Variants in SYNGR3 observed in about 807,000 individuals in gnomAD.
SYNGR3 encodes the protein synaptogyrin 3.
In SYNGR3, 10 loss-of-function variants were observed where a neutral mutation model predicts 18.5. That is an observed-to-expected ratio of 0.54 (90% CI 0.33 to 0.92). The LOEUF is 0.92. Among genes scored for constraint, SYNGR3 ranks in the 40% least tolerant of loss-of-function variants. The probability of loss-of-function intolerance (pLI) is 0.02; values close to 1 mark genes in which losing one functional copy is unlikely to be tolerated. For missense variants in SYNGR3, 335 were observed against 332.8 expected (o/e 1.01, Z -0.05); for synonymous variants, 188 against 157.2 (o/e 1.20, Z -1.47).
At position 1,992,971 on chromosome 16, in the gene SYNGR3, C is replaced by A; in HGVS notation, c.589C>A (p.Pro197Thr). The stretch of plus-strand genomic sequence containing the variant: ...GGCGAGCCAGGCCTACCCCGGCTAT[C>A]CGGTGGGCAGCGGCGTGGAGGGCAC... ...TGASQAYPGY[P>T]VGSGVEGTET... is the part of the protein sequence containing the mutation. The change falls in exon 4 of 4, where the codon CCG becomes ACG. Residue 197 changes from proline (P) to threonine (T), a missense_variant. Transcript: ENST00000248121. 1.9e-6 allele frequency: 3 copies of A among 1,612,014 alleles called. No homozygotes were observed.
chr16:1,990,481 T>C, intron 1 of SYNGR3: 2 of 533,384 alleles, frequency 3.7e-6, no homozygotes, highest in Non-Finnish European at 7.1e-6. Context: ...CGGGTCTAAT[T>C]TCAGTCCCTT....
At chr16:1,991,950 C>T in intron 1 of SYNGR3, 24 bp from the exon 2 acceptor site, 1 of 1,575,638 alleles carries the variant, frequency 6.3e-7, no homozygotes, top group Admixed American at 1.8e-5. Context: ...CGCCGCAGGG[C>T]CCTGAGCGCC....
Position 1,993,640 on chromosome 16 carries a change from G to A in SYNGR3, c.*568G>A, listed in dbSNP as rs1165428546. The A allele has an allele frequency of 6.6e-6, 3 of 454,770 alleles. No homozygotes were observed. The highest frequency in any genetic ancestry group is 8.9e-6 in the Non-Finnish European group (2 of 225,940). The allele number at this position is 454,770 out of a possible 1,614,324, so 28.2% of individuals were successfully genotyped here. A position where few individuals can be genotyped will look rare whatever the true frequency, so the allele number is the denominator to read the frequency against. ...GTGTTGTGATCATGGTCCAGTCTTC[G>A]GGTTTCACCTCCTAGTACTCCACAA... On this transcript the variant is annotated 3_prime_UTR_variant, in exon 4 of 4. Transcript: ENST00000248121.
Position 1,992,112 on chromosome 16 carries a change from C to A in SYNGR3, c.238C>A (p.Leu80Ile). The change falls in exon 2 of 4, where the codon CTC (leucine) becomes ATC (isoleucine). Residue 80 changes from leucine (L) to isoleucine (I), a missense_variant. Leu to Ile is a conservative substitution (Grantham distance 5). Transcript: ENST00000248121. Reference protein sequence around the residue: ...FGVALGLGAFLACAAFLLLDV... With the variant: ...FGVALGLGAFIACAAFLLLDV... ...CGTCGCGCTGGGCCTCGGAGCCTTC[C>A]TCGCCTGCGCCGCCTTCCTGCTGCT... 2 of 1,559,212 alleles carry A rather than the reference C, an allele frequency of 1.3e-6. No homozygotes were observed. Among genetic ancestry groups the A allele is most frequent in the Non-Finnish European group, 1.7e-6 (2 of 1,154,764 alleles).
chr16:1,993,725 G>C lies in SYNGR3; in HGVS notation c.*653G>C, dbSNP rs1030092260. On this transcript the variant is annotated 3_prime_UTR_variant, in exon 4 of 4. Coordinates refer to ENST00000248121, the MANE Select transcript of SYNGR3 (RefSeq NM_004209.6). Reference sequence around the variant, plus strand: ...AGGTGTGGGTGGTTCTGGCCAGGAAGGCACAAGGTAGCTGTGGGCCAAGAC... The same window carrying C: ...AGGTGTGGGTGGTTCTGGCCAGGAACGCACAAGGTAGCTGTGGGCCAAGAC... 8 of 399,326 alleles carry C rather than the reference G, an allele frequency of 2.0e-5. No homozygotes were observed. Among genetic ancestry groups the C allele is most frequent in the Non-Finnish European group, 4.1e-5 (8 of 196,288 alleles). The allele number at this position is 399,326 out of a possible 1,614,324, so 24.7% of individuals were successfully genotyped here.
At chr16:1,990,685 A>C (rs1165364048) in intron 1 of SYNGR3, 11 of 280,584 alleles carry the variant, frequency 3.9e-5, no homozygotes, top group Non-Finnish European at 8.2e-5. Flanking sequence ...GAGTTGAGGG[A>C]GGAGAGGCTC....
rs2083616181 is a variant in SYNGR3 at position 1,993,510 on chromosome 16, G to A, written c.*438G>A. ...ATCCTGGCCACTGTTCCCATCCCAT[G>A]TCCCTGTGGGTAGTGACTGTCTCGT... On this transcript the variant is annotated 3_prime_UTR_variant, in exon 4 of 4. Transcript: ENST00000248121. 6 of 470,338 alleles carry A rather than the reference G, an allele frequency of 1.3e-5. No homozygotes were observed. The highest frequency in any genetic ancestry group is 2.5e-5 in the Non-Finnish European group (6 of 236,530). 29.1% of individuals were successfully genotyped at this position (470,338 alleles called of 1,614,324 possible). A position where few individuals can be genotyped will look rare whatever the true frequency, so the allele number is the denominator to read the frequency against.
chr16:1,993,365 T>C lies in SYNGR3; in HGVS notation c.*293T>C, dbSNP rs529849509. On this transcript the variant is annotated 3_prime_UTR_variant, in exon 4 of 4. Coordinates refer to ENST00000248121, the MANE Select transcript of SYNGR3 (RefSeq NM_004209.6). ...TGGCCTGGGGAAGGCTTTCCCCTCT[T>C]GGGCCACACCTGCTCACTCTGGGGT... 251 of 613,612 alleles carry C rather than the reference T, an allele frequency of 4.1e-4. 1 individual carries two copies. Among genetic ancestry groups the C allele is most frequent in the South Asian group, 3.9e-3 (244 of 63,228 alleles). The allele number at this position is 613,612 out of a possible 1,614,324, so 38.0% of individuals were successfully genotyped here.
chr16:1,992,806 C>A, intron 3 of SYNGR3, 28 bp downstream of exon 3: 1 of 1,509,930 alleles, frequency 6.6e-7, no homozygotes, highest in Admixed American at 2.2e-5. Flanking sequence ...GAGGGCGGGG[C>A]GAAGGGGCGG....
intron 1 of SYNGR3, chr16:1,990,653 C>T (rs1252691253): frequency 3.3e-6 from 1 of 304,768 alleles, no homozygotes; most frequent in South Asian, 2.2e-5. Flanking sequence ...GAGCCTGTCC[C>T]CTGGCCCCCA....
Position 1,990,009 on chromosome 16 carries a change from G to GCATCAT in SYNGR3, c.-89_-88insTCATCA. The stretch of plus-strand genomic sequence containing the variant: ...TGCAGCGTTGGTAGCATCAGCATCA[G>GCATCAT]CATCAGCGGCAGCGGCAGCGGCCTC... On this transcript the variant is annotated 5_prime_UTR_variant, in exon 1 of 4. Transcript: ENST00000248121. 1 of 378,072 alleles carries GCATCAT rather than the reference G, an allele frequency of 2.6e-6. No homozygotes were observed. Among genetic ancestry groups the GCATCAT allele is most frequent in the Non-Finnish European group, 4.1e-6 (1 of 241,458 alleles). 23.4% of individuals were successfully genotyped at this position (378,072 alleles called of 1,614,324 possible). A position where few individuals can be genotyped will look rare whatever the true frequency, so the allele number is the denominator to read the frequency against.
chr16:1,992,700 G>A lies in SYNGR3; in HGVS notation c.402G>A (p.Ala134=), dbSNP rs1327989857. ...CFLTNQWQRT[A]PGPATTQAGD... ...TCACCAATCAGTGGCAGCGCACGGC[G>A]CCAGGGCCGGCCACGACGCAGGCGG... The change falls in exon 3 of 4, where the codon GCG becomes GCA. Residue 134 remains alanine, a synonymous_variant. Transcript: ENST00000248121. 3.1e-6 allele frequency: 5 copies of A among 1,601,364 alleles called. No individual in the cohort carries two copies. The highest frequency in any genetic ancestry group is 2.3e-5 in the East Asian group (1 of 43,906).
In SYNGR3 at chr16:1,993,167, C is replaced by A; in HGVS notation, c.*95C>A. ...CCCTTGGGTCCTTCCAGCTCAGTGCCGCGGACAGAGTAGGTGGCCGCTTTG... is the reference window on the plus strand; with the variant it reads ...CCCTTGGGTCCTTCCAGCTCAGTGCAGCGGACAGAGTAGGTGGCCGCTTTG... On this transcript the variant is annotated 3_prime_UTR_variant, in exon 4 of 4. Transcript: ENST00000248121. The A allele has an allele frequency of 2.1e-6, 3 of 1,444,524 alleles. No homozygotes were observed. Among genetic ancestry groups the A allele is most frequent in the Admixed American group, 2.1e-5 (1 of 47,444 alleles). The allele number at this position is 1,444,524 out of a possible 1,614,324, so 89.5% of individuals were successfully genotyped here.
intron 2 of SYNGR3, 147 bp from the exon 3 acceptor site, chr16:1,992,489 G>A (rs925875264): frequency 1.7e-6 from 2 of 1,159,050 alleles, no homozygotes; most frequent in Non-Finnish European, 2.3e-6. Context: ...CGGGGTCAGC[G>A]CAGGAGAGGG....
rs1340867045 is a variant in SYNGR3 at position 1,993,211 on chromosome 16, G to A, written c.*139G>A. The A allele has an allele frequency of 2.7e-6, 3 of 1,117,996 alleles. No individual in the cohort carries two copies. Among genetic ancestry groups the A allele is most frequent in the Non-Finnish European group, 3.8e-6 (3 of 793,852 alleles). 69.3% of individuals were successfully genotyped at this position (1,117,996 alleles called of 1,614,324 possible). On this transcript the variant is annotated 3_prime_UTR_variant, in exon 4 of 4. Coordinates refer to ENST00000248121, the MANE Select transcript of SYNGR3 (RefSeq NM_004209.6). The stretch of plus-strand genomic sequence containing the variant: ...CGCTTTGCGCCATCCGGGGCCAAGA[G>A]GGGGTGGACCCGCGTGTCTGGGCTG...
At chr16:1,991,178 C>T (rs1359431914) in intron 1 of SYNGR3, 1 of 152,376 alleles carries the variant, frequency 6.6e-6, no homozygotes, top group Non-Finnish European at 1.5e-5. Flanking sequence ...TCTCCCGGAA[C>T]TGGTGGGCAG....
At position 1,991,965 on chromosome 16, in the gene SYNGR3, C is replaced by A. The variant is rs1376752444; in HGVS notation, c.100-9C>A. On this transcript the variant is annotated splice_polypyrimidine_tract_variant and intron_variant, in intron 1 of 3. Transcript: ENST00000248121. ...CGCCGCAGGGCCCTGAGCGCCGCGC[C>A]GCACGCAGGTGTTCTCCATCGCCGT... 1 of 1,587,750 alleles carries A rather than the reference C, an allele frequency of 6.3e-7. No individual in the cohort carries two copies. Among genetic ancestry groups the A allele is most frequent in the Admixed American group, 1.7e-5 (1 of 57,884 alleles).
At position 1,993,858 on chromosome 16, in the gene SYNGR3, G is replaced by A. The variant is rs2083617832; in HGVS notation, c.*786G>A. 1 of 323,220 alleles carries A rather than the reference G, an allele frequency of 3.1e-6. No homozygotes were observed. Among genetic ancestry groups the A allele is most frequent in the African/African-American group, 2.2e-5 (1 of 45,992 alleles). The allele number at this position is 323,220 out of a possible 1,614,324, so 20.0% of individuals were successfully genotyped here. A position where few individuals can be genotyped will look rare whatever the true frequency, so the allele number is the denominator to read the frequency against. ...GCAGGAGAGAGGCCCAGAGGCTCCAGCTGGCCACCGTGCCCCACAAGATGG... is the reference window on the plus strand; with the variant it reads ...GCAGGAGAGAGGCCCAGAGGCTCCAACTGGCCACCGTGCCCCACAAGATGG... On this transcript the variant is annotated 3_prime_UTR_variant, in exon 4 of 4. Transcript: ENST00000248121.
rs749526138 is a variant in SYNGR3 at position 1,993,517 on chromosome 16, T to G, written c.*445T>G. The G allele has an allele frequency of 1.4e-4, 66 of 468,454 alleles. No individual in the cohort carries two copies. The highest frequency in any genetic ancestry group is 1.2e-3 in the African/African-American group (62 of 50,544). The allele number at this position is 468,454 out of a possible 1,614,324, so 29.0% of individuals were successfully genotyped here. A position where few individuals can be genotyped will look rare whatever the true frequency, so the allele number is the denominator to read the frequency against. ...CCACTGTTCCCATCCCATGTCCCTG[T>G]GGGTAGTGACTGTCTCGTTTCTGTC... On this transcript the variant is annotated 3_prime_UTR_variant, in exon 4 of 4. Transcript: ENST00000248121.
Sources: gnomAD v4.1 joint callset for allele counts on GRCh38, gnomAD v4.1.1 for gene constraint, MANE v1.5 for transcripts, NCBI Gene and HGNC (gene_info 2026-07-23, HGNC 2026-07-21) for gene names.